ARHGAP42: variants seen among roughly 807,000 people sequenced by gnomAD.
ARHGAP42 encodes the protein rho GTPase-activating protein 42.
ARHGAP42 carries 63 observed loss-of-function variants against 125.0 expected under a neutral mutation model. That is an observed-to-expected ratio of 0.50 (90% CI 0.41 to 0.62). The LOEUF (loss-of-function observed/expected upper bound fraction) is 0.62. ARHGAP42 is among the 20% of genes least tolerant of loss of function. The pLI, the probability that ARHGAP42 is intolerant of heterozygous loss-of-function variation, is 0.00. For missense variants in ARHGAP42, 766 were observed against 1,024.2 expected (o/e 0.75, Z 3.44); for synonymous variants, 339 against 351.0 (o/e 0.97, Z 0.38).
chr11:100,858,265 G>A (rs1263036717), intron 3 of ARHGAP42, among the ~76,000 whole-genome samples: 2 of 152,134 alleles, frequency 1.3e-5, no homozygotes, highest in Non-Finnish European at 2.9e-5. Context: ...TCTGAGCTCA[G>A]AAATGGGGAT....
chr11:100,957,098 A>G (rs1857824531), intron 12 of ARHGAP42, among the ~76,000 whole-genome samples: 1 of 152,114 alleles, frequency 6.6e-6, no homozygotes, highest in African/African-American at 2.4e-5. Flanking sequence ...CTTCATCTTT[A>G]AACAGTGCTA....
At chr11:100,847,099 G>A (rs1305081455) in intron 3 of ARHGAP42, among the ~76,000 whole-genome samples, 7 of 152,076 alleles carry the variant, frequency 4.6e-5, no homozygotes, top group Non-Finnish European at 8.8e-5. Context: ...AAGCATGCAG[G>A]TTACATAGTA....
intron 2 of ARHGAP42, among the ~76,000 whole-genome samples, chr11:100,776,608 C>T (rs1863130444): frequency 6.6e-6 from 1 of 152,174 alleles, no homozygotes; most frequent in East Asian, 1.9e-4. Context: ...TCTGACATAA[C>T]TAGTGTATTG....
At chr11:100,870,353 G>C (rs1865668239) in intron 4 of ARHGAP42, among the ~76,000 whole-genome samples, 1 of 152,138 alleles carries the variant, frequency 6.6e-6, no homozygotes, top group East Asian at 1.9e-4. Flanking sequence ...TGCATAACAA[G>C]GTGGTGTTCT....
At chr11:100,876,253 T>C (rs566192351) in intron 4 of ARHGAP42, among the ~76,000 whole-genome samples, 1 of 152,380 alleles carries the variant, frequency 6.6e-6, no homozygotes, top group African/African-American at 2.4e-5. Context: ...AATTTTTATT[T>C]CAAGTATTTT....
At position 100,993,624 on chromosome 11, in the gene ARHGAP42, A is replaced by G. The variant is rs775370842; in HGVS notation, c.*4823A>G. ...AGAACCCTATTTATATACTGTTAAA[A>G]TTTGAGGTACTGTAGTTTATATAAA... On this transcript the variant is annotated 3_prime_UTR_variant, in exon 24 of 24. Transcript: ENST00000298815. 7 of 167,078 alleles carry G rather than the reference A, an allele frequency of 4.2e-5. No homozygotes were observed. Among genetic ancestry groups the G allele is most frequent in the Admixed American group, 1.3e-4 (2 of 15,284 alleles). 10.3% of individuals were successfully genotyped at this position (167,078 alleles called of 1,614,324 possible).
chr11:100,780,039 A>T (rs989792374), intron 2 of ARHGAP42, among the ~76,000 whole-genome samples: 2 of 151,974 alleles, frequency 1.3e-5, no homozygotes, highest in African/African-American at 2.4e-5. Flanking sequence ...AACTAAAAAA[A>T]AAAACAAGTT....
At chr11:100,865,181 G>C (rs895717334) in intron 4 of ARHGAP42, among the ~76,000 whole-genome samples, 1 of 152,138 alleles carries the variant, frequency 6.6e-6, no homozygotes, top group Non-Finnish European at 1.5e-5. Context: ...TCTGTCCATA[G>C]TAGAGTTTGC....
intron 3 of ARHGAP42, among the ~76,000 whole-genome samples, chr11:100,813,832 CA>C (rs1361019050): frequency 1.3e-5 from 2 of 151,998 alleles, no homozygotes; most frequent in African/African-American, 4.8e-5. Context: ...ACTTTTTCAC[CA>C]ACCCTTTTTA....
intron 5 of ARHGAP42, among the ~76,000 whole-genome samples, chr11:100,915,283 A>G (rs1030939659): frequency 9.2e-5 from 14 of 152,182 alleles, no homozygotes; most frequent in Non-Finnish European, 2.1e-4. Flanking sequence ...AAATGTCTTA[A>G]TACATTGCAC....
rs546030638 is a variant in ARHGAP42, at chr11:100,759,754, G to A, written c.155-10589G>A. Among the ~76,000 whole-genome samples, 4 of 152,190 alleles carry A rather than the reference G, an allele frequency of 2.6e-5. No homozygotes were observed. The South Asian group carries it at 6.2e-4, about 24-fold the overall frequency. ...CTGGCTGCCTCAGAGGAAATATCAG[G>A]TACAAGCTAATTCATATGAAATAGG... is the stretch of plus-strand genomic sequence containing the variant. On this transcript the variant is annotated intron_variant, in intron 1 of 23. Transcript: ENST00000298815.
At chr11:100,874,583 C>T (rs935345663) in intron 4 of ARHGAP42, among the ~76,000 whole-genome samples, 4 of 152,122 alleles carry the variant, frequency 2.6e-5, no homozygotes, top group East Asian at 1.9e-4. Flanking sequence ...CTGGAGCCCC[C>T]GTATTTTCCA....
chr11:100,872,041 C>G (rs1865709630), intron 4 of ARHGAP42, among the ~76,000 whole-genome samples: 1 of 152,222 alleles, frequency 6.6e-6, no homozygotes, highest in South Asian at 2.1e-4. Context: ...CTGCACCCAG[C>G]CTGGTTCATT....
chr11:100,894,675 T>C (rs942766050), intron 4 of ARHGAP42, among the ~76,000 whole-genome samples: 1 of 152,184 alleles, frequency 6.6e-6, no homozygotes, highest in African/African-American at 2.4e-5. Flanking sequence ...CAGCTTTCAA[T>C]GCCAGCACCA....
At chr11:100,780,032 T>TAA (rs1251990874) in intron 2 of ARHGAP42, among the ~76,000 whole-genome samples, 1 of 139,496 alleles carries the variant, frequency 7.2e-6, no homozygotes, top group African/African-American at 2.6e-5. Flanking sequence ...TCTCAAAAAC[T>TAA]AAAAAAAAAA....
intron 1 of ARHGAP42, among the ~76,000 whole-genome samples, chr11:100,755,331 C>T (rs1160637196): frequency 1.3e-5 from 2 of 152,220 alleles, no homozygotes; most frequent in Non-Finnish European, 2.9e-5. Flanking sequence ...CCCTGCACTA[C>T]ACAACATCTG....
At chr11:100,732,636 A>G (rs1345823958) in intron 1 of ARHGAP42, among the ~76,000 whole-genome samples, 1 of 152,200 alleles carries the variant, frequency 6.6e-6, no homozygotes, top group Non-Finnish European at 1.5e-5. Flanking sequence ...CAAGATTGAT[A>G]GGTCCTGTGC....
intron 3 of ARHGAP42, among the ~76,000 whole-genome samples, chr11:100,813,386 G>C (rs1051102907): frequency 1.3e-5 from 2 of 152,186 alleles, no homozygotes; most frequent in African/African-American, 4.8e-5. Context: ...TTTTAAGCCT[G>C]ATGAGATTCT....
intron 10 of ARHGAP42, 101 bp downstream of exon 10, chr11:100,943,969 C>A: frequency 1.3e-6 from 1 of 788,186 alleles, no homozygotes; most frequent in South Asian, 2.2e-5. Context: ...GTTTTTTAGT[C>A]TTTTAAAAAA....
Sources: gnomAD v4.1 joint callset for allele counts (sites outside exome capture counted in the v4.1 genomes callset) on GRCh38, gnomAD v4.1.1 for gene constraint, MANE v1.5 for transcripts, NCBI Gene and HGNC (gene_info 2026-07-23, HGNC 2026-07-21) for gene names.